Variants in OR51E2 observed in about 807,000 individuals in gnomAD.
OR51E2 encodes the protein olfactory receptor family 51 subfamily E member 2.
In OR51E2, 14 loss-of-function variants were observed where a neutral mutation model predicts 13.7. The observed-to-expected ratio is 1.02, with a 90% CI of 0.68 to 1.60. OR51E2 has a LOEUF of 1.60. Ranked by LOEUF, OR51E2 falls within the 40% of genes most tolerant of loss-of-function variation. The pLI is 0.00. For missense variants in OR51E2, 483 were observed against 413.8 expected (o/e 1.17, Z -1.45); for synonymous variants, 180 against 157.6 (o/e 1.14, Z -1.07).
chr11:4,681,567 A>G lies in OR51E2; in HGVS notation c.*182T>C. On this transcript the variant is annotated 3_prime_UTR_variant, in exon 2 of 2. Coordinates refer to ENST00000396950, the MANE Select transcript of OR51E2 (RefSeq NM_030774.4). ...TTTATTGTAGTCTTTAAATCATGTA[A>G]TACTTCATTAGTATGTATTATTCCA... 1 of 622,736 alleles carries G rather than the reference A, an allele frequency of 1.6e-6. No homozygotes were observed. The highest frequency in any genetic ancestry group is 2.1e-5 in the South Asian group (1 of 46,740). The allele number at this position is 622,736 out of a possible 1,614,324, so 38.6% of individuals were successfully genotyped here. A position where few individuals can be genotyped will look rare whatever the true frequency, so the allele number is the denominator to read the frequency against.
intron 1 of OR51E2, among the ~76,000 whole-genome samples, chr11:4,694,696 C>A (rs1267632954): frequency 6.6e-6 from 1 of 151,728 alleles, no homozygotes; most frequent in Non-Finnish European, 1.5e-5. Flanking sequence ...TGCCAGACAG[C>A]GTCTATCAGC....
rs765742538 is a variant in OR51E2 at position 4,682,245 on chromosome 11, A to G, written c.467T>C (p.Phe156Ser). ...VAVVRGSLFF[F>S]PLPLLIKRLA... Reference sequence around the variant, plus strand: ...CCGCTTGATCAGCAGAGGCAGTGGGAAAAAAAAGAGGGATCCGCGGACCAC... The same window carrying G: ...CCGCTTGATCAGCAGAGGCAGTGGGGAAAAAAAGAGGGATCCGCGGACCAC... Residue 156 changes from phenylalanine (F) to serine (S), a missense_variant, in exon 2 of 2, where the codon TTC becomes TCC. Coordinates refer to ENST00000396950, the MANE Select transcript of OR51E2 (RefSeq NM_030774.4). 19 of 1,613,770 alleles carry G rather than the reference A, an allele frequency of 1.2e-5. No individual in the cohort carries two copies. Among genetic ancestry groups the G allele is most frequent in the African/African-American group, 2.7e-5 (2 of 74,854 alleles).
intron 1 of OR51E2, among the ~76,000 whole-genome samples, chr11:4,694,124 C>G (rs757997557): frequency 2.0e-5 from 3 of 152,114 alleles, no homozygotes; most frequent in Non-Finnish European, 4.4e-5. Context: ...TGAATAATTT[C>G]TCTTTCATCC....
intron 1 of OR51E2, chr11:4,690,294 C>CA (rs1338923188): frequency 1.3e-5 from 2 of 152,154 alleles, no homozygotes; most frequent in Admixed American, 1.3e-4. Flanking sequence ...TTAATACATA[C>CA]AAAAAACACT....
chr11:4,692,868 G>A (rs994011902), intron 1 of OR51E2, among the ~76,000 whole-genome samples: 1 of 150,918 alleles, frequency 6.6e-6, no homozygotes, highest in African/African-American at 2.4e-5. Context: ...AAAAGGGGGG[G>A]TGGGGGTGTG....
intron 1 of OR51E2, among the ~76,000 whole-genome samples, chr11:4,688,449 T>C (rs1455806351): frequency 1.3e-5 from 2 of 152,264 alleles, no homozygotes; most frequent in East Asian, 1.9e-4. Context: ...GTGGGTGACA[T>C]AGAGTGAATC....
At chr11:4,693,072 A>T (rs972047757) in intron 1 of OR51E2, among the ~76,000 whole-genome samples, 4 of 152,186 alleles carry the variant, frequency 2.6e-5, no homozygotes, top group African/African-American at 9.7e-5. Context: ...AATGTATAGT[A>T]TATTTCAAAA....
intron 1 of OR51E2, among the ~76,000 whole-genome samples, chr11:4,686,797 C>T (rs1380521627): frequency 2.6e-5 from 4 of 151,954 alleles, no homozygotes; most frequent in African/African-American, 9.7e-5. Context: ...TCATTGTGAG[C>T]TTATCCATCT....
intron 1 of OR51E2, chr11:4,692,179 GAGA>G (rs1564887728): frequency 2.2e-6 from 1 of 452,934 alleles, no homozygotes; most frequent in Admixed American, 2.4e-5. Context: ...GTGGAAAGCA[GAGA>G]AGCTTACAGA....
chr11:4,693,796 A>C (rs1363505197), intron 1 of OR51E2, among the ~76,000 whole-genome samples: 1 of 152,196 alleles, frequency 6.6e-6, no homozygotes, highest in African/African-American at 2.4e-5. Context: ...TTGCTTTACT[A>C]TCTCAGGGAC....
chr11:4,685,738 G>A (rs1018271433), intron 1 of OR51E2: 12 of 152,106 alleles, frequency 7.9e-5, no homozygotes, highest in Non-Finnish European at 1.5e-4. Flanking sequence ...TTTGTCAAAG[G>A]CTTACAATGT....
At chr11:4,685,566 C>A (rs547274220) in intron 1 of OR51E2, among the ~76,000 whole-genome samples, 2 of 152,316 alleles carry the variant, frequency 1.3e-5, no homozygotes, top group African/African-American at 4.8e-5. Context: ...TTCTGGTTAA[C>A]AAAACAGCCC....
chr11:4,681,650 A>C lies in OR51E2; in HGVS notation c.*99T>G. The C allele has an allele frequency of 4.4e-6, 6 of 1,369,738 alleles. No individual in the cohort carries two copies. In the South Asian group the frequency reaches 7.9e-5, roughly 18 times the overall value. The allele number at this position is 1,369,738 out of a possible 1,614,324, so 84.8% of individuals were successfully genotyped here. A position where few individuals can be genotyped will look rare whatever the true frequency, so the allele number is the denominator to read the frequency against. ...TTAGTTTACTATTCCAGCCAGAGAA[A>C]AGTACTGATGTGCTTATGGGCAACT... On this transcript the variant is annotated 3_prime_UTR_variant, in exon 2 of 2. Transcript: ENST00000396950.
intron 1 of OR51E2, among the ~76,000 whole-genome samples, chr11:4,689,541 C>T (rs1453692100): frequency 1.3e-5 from 2 of 152,046 alleles, no homozygotes; most frequent in African/African-American, 4.8e-5. Context: ...GACCTGATAC[C>T]AACTATACAG....
intron 1 of OR51E2, chr11:4,691,486 G>A (rs766460795): frequency 2.0e-5 from 9 of 456,478 alleles, no homozygotes; most frequent in South Asian, 1.4e-4. Flanking sequence ...GACAGGCCGA[G>A]GTCAGTGGCG....
At position 4,691,664 on chromosome 11, in the gene OR51E2, A is replaced by G. The variant is rs1349860332; in HGVS notation, c.-51+5989T>C. On this transcript the variant is annotated intron_variant, in intron 1 of 1. Coordinates refer to ENST00000396950, the MANE Select transcript of OR51E2 (RefSeq NM_030774.4). ...GCCCAGGAACACCAGTGAGCAGGAA[A>G]ATGATGGAAGTGGAGGTGATATTCT... 1.7e-5 allele frequency: 7 copies of G among 403,696 alleles called. No individual in the cohort carries two copies. The Admixed American group carries it at 2.1e-4, about 12-fold the overall frequency. 25.0% of individuals were successfully genotyped at this position (403,696 alleles called of 1,614,324 possible). A position where few individuals can be genotyped will look rare whatever the true frequency, so the allele number is the denominator to read the frequency against.
chr11:4,687,267 G>T (rs1285299854), intron 1 of OR51E2, among the ~76,000 whole-genome samples: 1 of 152,120 alleles, frequency 6.6e-6, no homozygotes, highest in Admixed American at 6.5e-5. Flanking sequence ...GAAGGGGAAA[G>T]AAATATGTAG....
Position 4,681,531 on chromosome 11 carries a change from GC to G in OR51E2, c.*217del. 1 of 555,270 alleles carries G rather than the reference GC, an allele frequency of 1.8e-6. No individual in the cohort carries two copies. Among genetic ancestry groups the G allele is most frequent in the Non-Finnish European group, 3.2e-6 (1 of 316,884 alleles). The allele number at this position is 555,270 out of a possible 1,614,324, so 34.4% of individuals were successfully genotyped here. A position where few individuals can be genotyped will look rare whatever the true frequency, so the allele number is the denominator to read the frequency against. The stretch of plus-strand genomic sequence containing the variant: ...TTTATTGTTTTTCTTAATGTTATAA[GC>G]ATGTTTGGTTTTATTGTAGTCTTTA... On this transcript the variant is annotated 3_prime_UTR_variant, in exon 2 of 2. Transcript: ENST00000396950.
chr11:4,681,966 G>T lies in OR51E2; in HGVS notation c.746C>A (p.Ala249Asp). Residue 249 changes from alanine (A) to aspartate (D), a missense_variant, in exon 2 of 2, where the codon GCC becomes GAC. Ala to Asp is a moderately radical substitution (Grantham distance 126). Coordinates refer to ENST00000396950, the MANE Select transcript of OR51E2 (RefSeq NM_030774.4). ...TCVSHIGVVLAFYVPLIGLSV... is the reference protein window; with the variant it reads ...TCVSHIGVVLDFYVPLIGLSV... ...GAGGCCAATAAGTGGCACATAGAAGGCGAGTACCACACCAATGTGTGACAC... is the reference window on the plus strand; with the variant it reads ...GAGGCCAATAAGTGGCACATAGAAGTCGAGTACCACACCAATGTGTGACAC... 6.2e-7 allele frequency: 1 copy of T among 1,614,094 alleles called. No homozygotes were observed. The highest frequency in any genetic ancestry group is 1.1e-5 in the South Asian group (1 of 91,076).
Sources: allele counts gnomAD v4.1 joint callset (sites outside exome capture counted in the v4.1 genomes callset), GRCh38; gene constraint gnomAD v4.1.1; transcripts MANE v1.5; gene names NCBI Gene and HGNC (gene_info 2026-07-23, HGNC 2026-07-21).